NHSL1: variants seen among roughly 807,000 people sequenced by gnomAD.
NHSL1 encodes the protein NHS-like protein 1.
A neutral mutation model predicts 95.0 loss-of-function variants in NHSL1; 48 were observed. That is an observed-to-expected ratio of 0.51 (90% confidence interval 0.40 to 0.64). The LOEUF is 0.64. Among genes scored for constraint, NHSL1 ranks in the 30% least tolerant of loss-of-function variants. The pLI is 0.00. For synonymous variants in NHSL1, 783 were observed against 833.9 expected (o/e 0.94, Z 1.05); for missense variants, 1,971 against 2,077.7 (o/e 0.95, Z 1.00).
chr6:138,431,777 C>G lies in NHSL1; in HGVS notation c.2568G>C (p.Ser856=), dbSNP rs776764448. The G allele has an allele frequency of 8.0e-5, 124 of 1,551,564 alleles. No individual in the cohort carries two copies. The highest frequency in any genetic ancestry group is 1.1e-4 in the Non-Finnish European group (123 of 1,146,958). Residue 856 remains serine, a synonymous_variant, in exon 6 of 8, where the codon TCG becomes TCC. Transcript: ENST00000343505. The surrounding 1 kb of genome is among the most constrained non-coding windows in gnomAD (Gnocchi z 4.0). The part of the protein sequence containing the change: ...ISPSSGYSSQ[S]NTPTALTPVP... ...CAGGGGTGAGTGCTGTGGGTGTATT[C>G]GACTGGCTGGAATACCCACTGGATG...
chr6:138,479,015 ATTCT>A (rs555473504), intron 2 of NHSL1, among the ~76,000 whole-genome samples: 1 of 152,218 alleles, frequency 6.6e-6, no homozygotes, highest in Non-Finnish European at 1.5e-5. Flanking sequence ...GCATTAAGCT[ATTCT>A]TTAGTCATTC....
intron 1 of NHSL1, among the ~76,000 whole-genome samples, chr6:138,559,862 G>T (rs949264521): frequency 1.3e-5 from 2 of 152,192 alleles, no homozygotes; most frequent in African/African-American, 4.8e-5. Context: ...ATTCCACAAA[G>T]CTATTCCATG....
chr6:138,597,764 C>A (rs2114547764), intron 1 of NHSL1, among the ~76,000 whole-genome samples: 1 of 152,250 alleles, frequency 6.6e-6, no homozygotes, highest in East Asian at 1.9e-4. Context: ...TTAATTTCTC[C>A]TTACATTGCA....
intron 3 of NHSL1, among the ~76,000 whole-genome samples, chr6:138,468,801 A>G (rs1778561937): frequency 6.6e-6 from 1 of 152,202 alleles, no homozygotes; most frequent in African/African-American, 2.4e-5. Context: ...CCAATCACCT[A>G]ACAATGCATT....
At chr6:138,606,702 CTTTTTTTTT>C (rs777156294) in intron 1 of NHSL1, among the ~76,000 whole-genome samples, 1 of 123,414 alleles carries the variant, frequency 8.1e-6, no homozygotes, top group Non-Finnish European at 1.7e-5. Context: ...TTCTTTCTTT[CTTTTTTTTT>C]TTTTTTTTTG....
intron 1 of NHSL1, among the ~76,000 whole-genome samples, chr6:138,635,709 C>T (rs1784878540): frequency 6.6e-6 from 1 of 152,038 alleles, no homozygotes; most frequent in Admixed American, 6.6e-5. Context: ...ACCAAAAACA[C>T]AGACACATCA....
chr6:138,681,439 T>A (rs1583479098), intron 1 of NHSL1, among the ~76,000 whole-genome samples: 1 of 152,236 alleles, frequency 6.6e-6, no homozygotes, highest in Admixed American at 6.5e-5. Context: ...GGCTGCATCA[T>A]GATTTTTCCA....
At chr6:138,577,782 T>C (rs1380010143) in intron 1 of NHSL1, among the ~76,000 whole-genome samples, 3 of 152,160 alleles carry the variant, frequency 2.0e-5, no homozygotes, top group African/African-American at 7.2e-5. Flanking sequence ...AGGTAATTTG[T>C]ACACACGAAT....
intron 1 of NHSL1, among the ~76,000 whole-genome samples, chr6:138,586,308 T>A (rs1294617577): frequency 1.3e-5 from 2 of 152,168 alleles, no homozygotes; most frequent in Non-Finnish European, 2.9e-5. Context: ...TTGACCAGTC[T>A]GGTCTCGAAC....
chr6:138,605,614 T>C (rs189796202), intron 1 of NHSL1, among the ~76,000 whole-genome samples: 78 of 152,354 alleles, frequency 5.1e-4, no homozygotes, highest in African/African-American at 1.4e-3. Flanking sequence ...ACCACGACTT[T>C]GATTTGAAAG....
chr6:138,593,821 A>G (rs1226811227), intron 1 of NHSL1, among the ~76,000 whole-genome samples: 2 of 152,240 alleles, frequency 1.3e-5, no homozygotes, highest in Non-Finnish European at 2.9e-5. Context: ...CAAGCCTTCC[A>G]TTTGTTAATT....
At chr6:138,454,069 T>C (rs575864157) in intron 3 of NHSL1, among the ~76,000 whole-genome samples, 2 of 152,292 alleles carry the variant, frequency 1.3e-5, no homozygotes, top group East Asian at 1.9e-4. Flanking sequence ...ACTCAACCCA[T>C]GACCTAAAAT....
chr6:138,497,814 A>G (rs769474498), intron 1 of NHSL1, among the ~76,000 whole-genome samples: 6 of 152,166 alleles, frequency 3.9e-5, no homozygotes, highest in African/African-American at 1.4e-4. Flanking sequence ...AAATTTTACA[A>G]TCTTATGAAT....
upstream of NHSL1, among the ~76,000 whole-genome samples, chr6:138,576,415 G>C (rs1783973288): frequency 6.6e-6 from 1 of 152,112 alleles, no homozygotes; most frequent in Non-Finnish European, 1.5e-5. Context: ...AGACTGCCTT[G>C]TCCCCATGTG....
At chr6:138,512,662 T>A (rs914215153) in intron 1 of NHSL1, among the ~76,000 whole-genome samples, 1 of 152,120 alleles carries the variant, frequency 6.6e-6, no homozygotes, top group Non-Finnish European at 1.5e-5. Flanking sequence ...AATGGCAACG[T>A]GAATGCTTCA....
chr6:138,625,584 T>C lies in NHSL1; in HGVS notation c.96+66892A>G, dbSNP rs531681790. Among the ~76,000 whole-genome samples the C allele has an allele frequency of 5.7e-4, 87 of 151,718 alleles. 1 individual carries two copies. In the South Asian group the frequency reaches 0.016, roughly 28 times the overall value. On this transcript the variant is annotated intron_variant, in intron 1 of 3. Transcript: ENST00000491526. The stretch of plus-strand genomic sequence containing the variant: ...CTCTTTATATATTCTTGAAGAATAG[T>C]ATAGTGCCATGAGTACAGTATGAGC...
chr6:138,597,766 T>C (rs1784320519), intron 1 of NHSL1, among the ~76,000 whole-genome samples: 1 of 152,166 alleles, frequency 6.6e-6, no homozygotes, highest in African/African-American at 2.4e-5. Flanking sequence ...AATTTCTCCT[T>C]ACATTGCAGG....
intron 1 of NHSL1, among the ~76,000 whole-genome samples, chr6:138,673,040 T>C (rs1785398143): frequency 4.1e-4 from 2 of 4,902 alleles, no homozygotes; most frequent in South Asian, 0.015. Flanking sequence ...GGTAGATAGA[T>C]AGATAGATAG....
At chr6:138,629,389 CT>C (rs886431413) in intron 1 of NHSL1, among the ~76,000 whole-genome samples, 2 of 89,566 alleles carry the variant, frequency 2.2e-5, no homozygotes, top group Middle Eastern at 6.0e-3. Flanking sequence ...TTCTTTCTTT[CT>C]TTTTTTTTTG....
Sources: gnomAD v4.1 joint callset for allele counts (sites outside exome capture counted in the v4.1 genomes callset) on GRCh38, gnomAD v4.1.1 for gene constraint, Gnocchi (gnomAD v3.1) non-coding constraint, MANE v1.5 for transcripts, NCBI Gene and HGNC (gene_info 2026-07-23, HGNC 2026-07-21) for gene names.